The following LPAR1 variants were observed in gnomAD, a reference collection of about 807,000 sequenced individuals.
LPAR1 encodes LPA receptor 1.
LPAR1 carries 5 observed loss-of-function variants against 23.8 expected under a neutral mutation model. The ratio of observed to expected loss-of-function variants is 0.21; its 90% CI spans 0.11 to 0.44. The LOEUF is 0.44. Among genes scored for constraint, LPAR1 ranks in the 20% least tolerant of loss-of-function variants. The probability of loss-of-function intolerance (pLI) is 0.99; values close to 1 mark genes in which losing one functional copy is unlikely to be tolerated. For missense variants in LPAR1, 311 were observed against 482.8 expected (o/e 0.64, Z 3.33); for synonymous variants, 160 against 164.7 (o/e 0.97, Z 0.22).
At chr9:110,888,824 A>C (rs1032843694) in intron 5 of LPAR1, among the ~76,000 whole-genome samples, 1 of 152,214 alleles carries the variant, frequency 6.6e-6, no homozygotes, top group South Asian at 2.1e-4. Context: ...TATGGCTAAC[A>C]GACTGGATAC....
chr9:110,894,942 C>T (rs2085797444), intron 5 of LPAR1, among the ~76,000 whole-genome samples: 4 of 151,986 alleles, frequency 2.6e-5, no homozygotes, highest in Admixed American at 6.5e-5. Flanking sequence ...TGCTTGAGCC[C>T]AGGAGGTAAA....
chr9:110,914,042 T>A, intron 5 of LPAR1, among the ~76,000 whole-genome samples: 1 of 152,190 alleles, frequency 6.6e-6, no homozygotes, highest in South Asian at 2.1e-4. Flanking sequence ...TTCCTTTGGT[T>A]CCTGTCCTCA....
At chr9:111,012,364 C>T (rs966326443) in intron 2 of LPAR1, among the ~76,000 whole-genome samples, 9 of 152,156 alleles carry the variant, frequency 5.9e-5, no homozygotes, top group African/African-American at 2.2e-4. Context: ...ACATCTCTGG[C>T]ATTTCTGATG....
rs188963254 is a variant in LPAR1, at chr9:110,894,399, A to C, written c.794-18677T>G. Among the ~76,000 whole-genome samples the C allele has an allele frequency of 3.7e-4, 56 of 152,342 alleles. No homozygotes were observed. In the East Asian group the frequency reaches 9.4e-3, roughly 26 times the overall value. ...AATGAGGATATGATCTACTTTCAGC[A>C]CTATTGTGAGGACTGAATGAGACAC... On this transcript the variant is annotated intron_variant, in intron 5 of 5. Coordinates refer to ENST00000683809, the MANE Select transcript of LPAR1 (RefSeq NM_001351411.2).
At chr9:110,875,836 T>C in intron 5 of LPAR1, 114 bp from the exon 6 acceptor site, 2 of 535,470 alleles carry the variant, frequency 3.7e-6, no homozygotes, top group East Asian at 3.3e-5. Flanking sequence ...AATACTGAAG[T>C]TGGAAGCCAC....
chr9:110,890,590 T>C (rs1183889061), intron 5 of LPAR1, among the ~76,000 whole-genome samples: 4 of 152,204 alleles, frequency 2.6e-5, no homozygotes, highest in African/African-American at 7.2e-5. Context: ...CCAGGGTCCT[T>C]AGCACCCTGC....
intron 4 of LPAR1, among the ~76,000 whole-genome samples, chr9:110,945,581 T>C (rs2095343138): frequency 6.6e-6 from 1 of 152,232 alleles, no homozygotes; most frequent in Non-Finnish European, 1.5e-5. Flanking sequence ...TAGTTTTTTA[T>C]TGCTACTTTA....
chr9:110,930,121 T>C (rs2094307932), intron 5 of LPAR1, among the ~76,000 whole-genome samples: 1 of 152,192 alleles, frequency 6.6e-6, no homozygotes, highest in Non-Finnish European at 1.5e-5. Flanking sequence ...CAGGTATAGG[T>C]GTCGACTTTT....
At position 110,941,227 on chromosome 9, in the gene LPAR1, C is replaced by G. The variant is rs895962259; in HGVS notation, c.793+194G>C. ...TACTGCACCACTGGGACCCATGTTT[C>G]CCTAACGCTAATTCTATAATTTTAG... On this transcript the variant is annotated intron_variant, in intron 5 of 5. Transcript: ENST00000683809. This position sits in a 1 kb window ranked among gnomAD's most constrained non-coding sequence, Gnocchi z 6.1. Among the ~76,000 whole-genome samples the G allele has an allele frequency of 2.6e-5, 4 of 152,200 alleles. No individual in the cohort carries two copies. Among genetic ancestry groups the G allele is most frequent in the African/African-American group, 9.6e-5 (4 of 41,524 alleles).
At chr9:110,997,865 G>A (rs1395500909) in intron 2 of LPAR1, among the ~76,000 whole-genome samples, 1 of 152,208 alleles carries the variant, frequency 6.6e-6, no homozygotes, top group Non-Finnish European at 1.5e-5. Flanking sequence ...TGCATAAGAT[G>A]CTGTGCGAGA....
At chr9:110,895,421 C>T (rs12236346) in intron 5 of LPAR1, among the ~76,000 whole-genome samples, 27,457 of 152,202 alleles carry the variant, frequency 0.18, 2,816 homozygotes, top group Admixed American at 0.25. Flanking sequence ...GGCTGCACAA[C>T]CAGTTATTGC....
chr9:110,876,951 G>A (rs78269637), intron 5 of LPAR1, among the ~76,000 whole-genome samples: 2,155 of 152,232 alleles, frequency 0.014, 54 homozygotes, highest in African/African-American at 0.049. Context: ...AGCCAACAGC[G>A]GTGGGCACCA....
At chr9:110,907,607 C>A (rs142511984) in intron 5 of LPAR1, among the ~76,000 whole-genome samples, 2 of 152,148 alleles carry the variant, frequency 1.3e-5, no homozygotes, top group Non-Finnish European at 2.9e-5. Flanking sequence ...TTGACATTCA[C>A]ATGTCTGGAC....
intron 2 of LPAR1, among the ~76,000 whole-genome samples, chr9:110,980,740 C>G (rs1437447650): frequency 6.6e-6 from 1 of 151,762 alleles, no homozygotes; most frequent in Admixed American, 6.6e-5. Context: ...TAGCAAACAA[C>G]AATTTATTGT....
In LPAR1 at chr9:110,874,135, G is replaced by A. The variant is rs2078633818; in HGVS notation, c.*1286C>T. 6.6e-6 allele frequency: 1 copy of A among 152,506 alleles called. No homozygotes were observed. The highest frequency in any genetic ancestry group is 2.4e-5 in the African/African-American group (1 of 41,396). 9.4% of individuals were successfully genotyped at this position (152,506 alleles called of 1,614,324 possible). A position where few individuals can be genotyped will look rare whatever the true frequency, so the allele number is the denominator to read the frequency against. On this transcript the variant is annotated 3_prime_UTR_variant, in exon 6 of 6. Transcript: ENST00000683809. ...TTTTTAAAAAAAGAATCCTTCATGG[G>A]AATATATCCTAATAATCAATTATAT...
intron 2 of LPAR1, among the ~76,000 whole-genome samples, chr9:111,028,428 A>G (rs1588940024): frequency 6.6e-6 from 1 of 152,318 alleles, no homozygotes; most frequent in East Asian, 1.9e-4. Context: ...ATCCCTGTAC[A>G]TTCCACATAT....
At position 111,002,758 on chromosome 9, in the gene LPAR1, T is replaced by C. The variant is rs552388008; in HGVS notation, c.-181-29200A>G. Among the ~76,000 whole-genome samples, 8 of 152,272 alleles carry C rather than the reference T, an allele frequency of 5.3e-5. No individual in the cohort carries two copies. The East Asian group carries it at 1.5e-3, about 29-fold the overall frequency. ...CTAATGGAACAAAGCAATTAACAAC[T>C]TTCAGTAAAAGAGGAATGCAAGAAC... On this transcript the variant is annotated intron_variant, in intron 2 of 5. Transcript: ENST00000683809.
intron 5 of LPAR1, among the ~76,000 whole-genome samples, chr9:110,898,476 T>C (rs765759777): frequency 8.5e-5 from 13 of 152,144 alleles, no homozygotes; most frequent in Admixed American, 2.0e-4. Flanking sequence ...CAGACAGAAA[T>C]AGTCTACAGA....
At chr9:111,005,585 T>TGGGAAGAA (rs1554729794) in intron 2 of LPAR1, among the ~76,000 whole-genome samples, 2 of 136,308 alleles carry the variant, frequency 1.5e-5, no homozygotes, top group African/African-American at 6.1e-5. Flanking sequence ...AAAGAAGAAT[T>TGGGAAGAA]GGGAAGGAGG....
Sources: allele counts gnomAD v4.1 joint callset (sites outside exome capture counted in the v4.1 genomes callset), GRCh38; gene constraint gnomAD v4.1.1; non-coding constraint Gnocchi (gnomAD v3.1); transcripts MANE v1.5; gene names NCBI Gene and HGNC (gene_info 2026-07-23, HGNC 2026-07-21).